Variants in ULK4 observed in about 807,000 individuals in gnomAD.
The protein encoded by ULK4 is unc-51 like kinase 4.
A neutral mutation model predicts 160.6 loss-of-function variants in ULK4; 133 were observed. That is an observed-to-expected ratio of 0.83 (90% CI 0.72 to 0.96). The LOEUF is 0.96. ULK4 is among the 40% of genes least tolerant of loss of function. The probability of loss-of-function intolerance (pLI) is 0.00; values close to 1 mark genes in which losing one functional copy is unlikely to be tolerated. For missense variants in ULK4, 1,580 were observed against 1,499.5 expected (o/e 1.05, Z -0.89); for synonymous variants, 534 against 539.8 (o/e 0.99, Z 0.15).
At chr3:41,308,227 T>G (rs532903188) in intron 35 of ULK4, among the ~76,000 whole-genome samples, 1 of 152,194 alleles carries the variant, frequency 6.6e-6, no homozygotes, top group East Asian at 1.9e-4. Flanking sequence ...TGCATGCACA[T>G]GTACACACAG....
At chr3:41,824,827 C>G (rs1444381871) in intron 18 of ULK4, among the ~76,000 whole-genome samples, 1 of 152,180 alleles carries the variant, frequency 6.6e-6, no homozygotes, top group Non-Finnish European at 1.5e-5. Context: ...GTGGTTCTCC[C>G]AGCACACAGC....
intron 9 of ULK4, among the ~76,000 whole-genome samples, chr3:41,912,343 A>T (rs1698819229): frequency 6.6e-6 from 1 of 151,892 alleles, no homozygotes; most frequent in Non-Finnish European, 1.5e-5. Flanking sequence ...AAAAAAAAAA[A>T]AAAAAATCCA....
In ULK4 at chr3:41,499,757, A is replaced by T. The variant is rs559059693; in HGVS notation, c.3227-36504T>A. ...ATGTGTATGGCACATTGGGGTTAAAAATGAGGTTGTCTATGGCTAGAAACT... is the reference window on the plus strand; with the variant it reads ...ATGTGTATGGCACATTGGGGTTAAATATGAGGTTGTCTATGGCTAGAAACT... On this transcript the variant is annotated intron_variant, in intron 32 of 36. Transcript: ENST00000301831. 1.7e-3 allele frequency among the ~76,000 whole-genome samples: 255 copies of T among 152,318 alleles called. 1 individual carries two copies. In the Middle Eastern group the frequency reaches 0.017, roughly 10 times the overall value.
chr3:41,429,410 A>C (rs1018290100), intron 34 of ULK4, among the ~76,000 whole-genome samples: 24 of 152,202 alleles, frequency 1.6e-4, no homozygotes, highest in African/African-American at 5.8e-4. Context: ...TATATACTCA[A>C]AGGAATATAA....
intron 29 of ULK4, among the ~76,000 whole-genome samples, chr3:41,678,558 C>G (rs2125786458): frequency 6.6e-6 from 1 of 152,290 alleles, no homozygotes; most frequent in East Asian, 1.9e-4. Flanking sequence ...GCATCACAGA[C>G]AGAAATCAAG....
At chr3:41,667,254 G>T (rs2035377471) in intron 29 of ULK4, among the ~76,000 whole-genome samples, 1 of 152,036 alleles carries the variant, frequency 6.6e-6, no homozygotes, top group Admixed American at 6.6e-5. Flanking sequence ...ATCTAACCTT[G>T]AAACAGGAGG....
chr3:41,273,271 T>C (rs1461123703), intron 35 of ULK4, among the ~76,000 whole-genome samples: 2 of 152,240 alleles, frequency 1.3e-5, no homozygotes, highest in Non-Finnish European at 2.9e-5. Context: ...GTGCTCAATC[T>C]AGGACAAATT....
At chr3:41,724,161 T>C (rs924282123) in intron 22 of ULK4, among the ~76,000 whole-genome samples, 1 of 152,352 alleles carries the variant, frequency 6.6e-6, no homozygotes, top group Admixed American at 6.5e-5. Context: ...TTCTTTTTCA[T>C]TGCTGTGTAG....
At chr3:41,249,866 G>C (rs2078713320) in intron 35 of ULK4, among the ~76,000 whole-genome samples, 1 of 152,210 alleles carries the variant, frequency 6.6e-6, no homozygotes. Flanking sequence ...TCTCTCAGGA[G>C]AGTTTGTGTC....
intron 29 of ULK4, among the ~76,000 whole-genome samples, chr3:41,666,384 G>C (rs1482454770): frequency 6.6e-6 from 1 of 152,312 alleles, no homozygotes; most frequent in East Asian, 1.9e-4. Flanking sequence ...TGGCAGTCAA[G>C]GACCAGTTTC....
At chr3:41,357,120 A>G (rs544423553) in intron 35 of ULK4, among the ~76,000 whole-genome samples, 1 of 152,336 alleles carries the variant, frequency 6.6e-6, no homozygotes, top group African/African-American at 2.4e-5. Flanking sequence ...TAAAGGCAAT[A>G]ATCACCCTAG....
At chr3:41,416,720 CAG>C (rs2082535699) in intron 34 of ULK4, among the ~76,000 whole-genome samples, 2 of 152,218 alleles carry the variant, frequency 1.3e-5, no homozygotes, top group South Asian at 4.2e-4. Context: ...GTGGGAAAGA[CAG>C]AGCTGCAACA....
intron 30 of ULK4, among the ~76,000 whole-genome samples, chr3:41,643,615 T>C (rs547755404): frequency 6.6e-6 from 1 of 152,322 alleles, no homozygotes; most frequent in African/African-American, 2.4e-5. Flanking sequence ...TAGTTTGAAG[T>C]CAGGTAGCGT....
chr3:41,373,471 G>A lies in ULK4; in HGVS notation c.3678+24608C>T, dbSNP rs1179735175. On this transcript the variant is annotated intron_variant, in intron 35 of 36. Transcript: ENST00000301831. ...ACAGTACAATCAAATTAGAAATCAG[G>A]GTTAAGAAACTCACTCAAAACGGCA... 2.0e-5 allele frequency among the ~76,000 whole-genome samples: 3 copies of A among 152,090 alleles called. No homozygotes were observed. The East Asian group carries it at 5.8e-4, about 29-fold the overall frequency.
chr3:41,923,293 G>A (rs1699260590), intron 5 of ULK4, among the ~76,000 whole-genome samples: 1 of 152,136 alleles, frequency 6.6e-6, no homozygotes, highest in Non-Finnish European at 1.5e-5. Flanking sequence ...GAGGTCAGGA[G>A]TTCAAGACCA....
chr3:41,419,361 T>TA (rs2082605886), intron 34 of ULK4, among the ~76,000 whole-genome samples: 1 of 152,052 alleles, frequency 6.6e-6, no homozygotes, highest in Admixed American at 6.6e-5. Flanking sequence ...AAAGGTCAAT[T>TA]AGATCACCAT....
chr3:41,731,129 C>T (rs192049829), intron 22 of ULK4, among the ~76,000 whole-genome samples: 313 of 150,100 alleles, frequency 2.1e-3, no homozygotes, highest in Non-Finnish European at 2.7e-3. Context: ...AAATTTAGAA[C>T]AAGACAAGGA....
chr3:41,305,990 C>CTT (rs1240574063), intron 35 of ULK4, among the ~76,000 whole-genome samples: 11,674 of 148,104 alleles, frequency 0.079, 1,284 homozygotes, highest in African/African-American at 0.23. Context: ...CCGGCAACCG[C>CTT]CCCGTCTGAG....
intron 21 of ULK4, among the ~76,000 whole-genome samples, chr3:41,765,179 C>A (rs1210981328): frequency 6.6e-6 from 1 of 152,122 alleles, no homozygotes; most frequent in Non-Finnish European, 1.5e-5. Context: ...CAATGATAGA[C>A]TGGATTAAGA....
Sources: gnomAD v4.1 joint callset for allele counts (sites outside exome capture counted in the v4.1 genomes callset) on GRCh38, gnomAD v4.1.1 for gene constraint, MANE v1.5 for transcripts, NCBI Gene and HGNC (gene_info 2026-07-23, HGNC 2026-07-21) for gene names.